The following CCNY variants were observed in gnomAD, a reference collection of about 807,000 sequenced individuals.
CCNY encodes cyclin Y, also known as cyclin-Y.
Under a neutral mutation model 42.8 loss-of-function variants are expected in CCNY, and 19 were observed. The ratio of observed to expected loss-of-function variants is 0.44; its 90% CI spans 0.31 to 0.65. The LOEUF (loss-of-function observed/expected upper bound fraction) is 0.65, where lower values mean the gene tolerates loss of function less well. Ranked by LOEUF, CCNY falls within the 30% of genes least tolerant of loss-of-function variation. The probability of loss-of-function intolerance (pLI) is 0.07; values close to 1 mark genes in which losing one functional copy is unlikely to be tolerated. For missense variants in CCNY, 370 were observed against 437.3 expected (o/e 0.85, Z 1.37); for synonymous variants, 165 against 162.7 (o/e 1.01, Z -0.11).
At chr10:35,563,767 G>C (rs1465029682) in intron 8 of CCNY, among the ~76,000 whole-genome samples, 6 of 151,960 alleles carry the variant, frequency 3.9e-5, no homozygotes, top group African/African-American at 1.4e-4. Context: ...AGTGCAGTGG[G>C]GCAATCTCGG....
chr10:35,487,397 C>T (rs1169879545), intron 2 of CCNY, among the ~76,000 whole-genome samples: 1 of 152,068 alleles, frequency 6.6e-6, no homozygotes, highest in Admixed American at 6.6e-5. Context: ...CTGCTTGGAC[C>T]ACAGACATGC....
rs1835579110 is a variant in CCNY at position 35,304,309 on chromosome 10, T to C, written c.-9+53683T>C. Among the ~76,000 whole-genome samples the C allele has an allele frequency of 3.9e-5, 2 of 51,640 alleles. 1 individual carries two copies. The highest frequency in any genetic ancestry group is 7.0e-5 in the Non-Finnish European group (2 of 28,670). 33.9% of individuals were successfully genotyped at this position (51,640 alleles called of 152,430 possible). On this transcript the variant is annotated intron_variant, in intron 3 of 11. Coordinates refer to the CCNY transcript ENST00000374706. Reference sequence around the variant, plus strand: ...TTCTCCTTTTATTTTTTTTTTTTTTTTATTTTTTATTTTTTTTTGAGACGG... The same window carrying C: ...TTCTCCTTTTATTTTTTTTTTTTTTCTATTTTTTATTTTTTTTTGAGACGG...
chr10:35,413,831 A>G (rs2135251683), intron 1 of CCNY, among the ~76,000 whole-genome samples: 1 of 152,214 alleles, frequency 6.6e-6, no homozygotes, highest in East Asian at 1.9e-4. Flanking sequence ...TGCGGTAGAG[A>G]TTTGGAGGCT....
intron 5 of CCNY, among the ~76,000 whole-genome samples, chr10:35,526,650 A>G (rs1840658424): frequency 6.6e-6 from 1 of 150,824 alleles, no homozygotes; most frequent in African/African-American, 2.4e-5. Context: ...CACAGCTATC[A>G]TTAATGCATC....
In CCNY at chr10:35,304,608, C is replaced by G. The variant is rs201142618; in HGVS notation, c.-9+53982C>G. ...TACAGGCGTGAGCCACCGCTCCCGG[C>G]CTTTTTTCTCCTTTTAATTAAAAGT... On this transcript the variant is annotated intron_variant, in intron 3 of 11. Coordinates refer to the CCNY transcript ENST00000374706. Among the ~76,000 whole-genome samples the G allele has an allele frequency of 2.1e-4, 14 of 65,512 alleles. 3 individuals carry two copies. The highest frequency in any genetic ancestry group is 6.1e-4 in the African/African-American group (7 of 11,420). 43.0% of individuals were successfully genotyped at this position (65,512 alleles called of 152,430 possible). A position where few individuals can be genotyped will look rare whatever the true frequency, so the allele number is the denominator to read the frequency against.
chr10:35,321,383 C>T (rs1320128062), intron 3 of CCNY, among the ~76,000 whole-genome samples: 5 of 151,814 alleles, frequency 3.3e-5, no homozygotes, highest in Non-Finnish European at 7.4e-5. Flanking sequence ...AACTGAAATC[C>T]CAGCAGGGGT....
chr10:35,280,333 G>A (rs1287985833), intron 3 of CCNY, among the ~76,000 whole-genome samples: 1 of 148,632 alleles, frequency 6.7e-6, no homozygotes, highest in Admixed American at 6.8e-5. Flanking sequence ...AGGAAAGAAA[G>A]AAAGGAAGAA....
chr10:35,252,520 C>A (rs926727066), intron 3 of CCNY, among the ~76,000 whole-genome samples: 14 of 142,442 alleles, frequency 9.8e-5, no homozygotes, highest in Admixed American at 2.2e-4. Context: ...GAGCTGAGAT[C>A]GCGCCACTGC....
chr10:35,296,350 C>T (rs979905090), intron 3 of CCNY, among the ~76,000 whole-genome samples: 16 of 152,152 alleles, frequency 1.1e-4, no homozygotes, highest in Admixed American at 3.9e-4. Flanking sequence ...GAGGCCGAGG[C>T]AGGTGGATCA....
intron 5 of CCNY, among the ~76,000 whole-genome samples, chr10:35,526,214 A>G (rs1214660271): frequency 6.6e-6 from 1 of 152,238 alleles, no homozygotes; most frequent in Admixed American, 6.5e-5. Context: ...GGTTGAAACC[A>G]GCAAAACAGA....
At chr10:35,522,939 C>G (rs917612433) in intron 4 of CCNY, among the ~76,000 whole-genome samples, 2 of 152,230 alleles carry the variant, frequency 1.3e-5, no homozygotes, top group Admixed American at 6.5e-5. Context: ...CAAAACCCCA[C>G]TACTGCCTTG....
At chr10:35,456,400 T>G (rs1839036029) in intron 1 of CCNY, among the ~76,000 whole-genome samples, 1 of 152,242 alleles carries the variant, frequency 6.6e-6, no homozygotes. Context: ...AATGGATTGT[T>G]TAAACATTTT....
intron 1 of CCNY, among the ~76,000 whole-genome samples, chr10:35,419,727 CAT>C (rs1289923875): frequency 2.0e-5 from 3 of 152,064 alleles, no homozygotes; most frequent in Non-Finnish European, 2.9e-5. Flanking sequence ...TGCTTTATCT[CAT>C]GTCTCTCTTT....
chr10:35,348,079 T>G (rs1230603695), intron 1 of CCNY, among the ~76,000 whole-genome samples: 2 of 152,228 alleles, frequency 1.3e-5, no homozygotes, highest in African/African-American at 4.8e-5. Context: ...TCCCTCAAGC[T>G]GTGAACCGTT....
intron 3 of CCNY, among the ~76,000 whole-genome samples, chr10:35,265,469 T>C (rs1389122479): frequency 6.6e-6 from 1 of 152,260 alleles, no homozygotes; most frequent in Non-Finnish European, 1.5e-5. Context: ...TCCACTGTCA[T>C]TTATTAAACT....
intron 3 of CCNY, among the ~76,000 whole-genome samples, chr10:35,278,807 C>T (rs896830121): frequency 6.6e-6 from 1 of 152,174 alleles, no homozygotes; most frequent in Non-Finnish European, 1.5e-5. Context: ...GTGAACCTTC[C>T]CTGCCAGGAG....
At chr10:35,280,664 A>G (rs1046943011) in intron 3 of CCNY, among the ~76,000 whole-genome samples, 3 of 152,254 alleles carry the variant, frequency 2.0e-5, no homozygotes, top group African/African-American at 4.8e-5. Flanking sequence ...AAAAGTAAAC[A>G]TAGAAATAAT....
At chr10:35,314,185 A>G (rs1042637368) in intron 3 of CCNY, among the ~76,000 whole-genome samples, 2 of 152,142 alleles carry the variant, frequency 1.3e-5, no homozygotes, top group African/African-American at 4.8e-5. Context: ...GATCACACTC[A>G]TATTAGTCTG....
chr10:35,344,559 G>A (rs1836257310), intron 1 of CCNY, among the ~76,000 whole-genome samples: 1 of 152,028 alleles, frequency 6.6e-6, no homozygotes, highest in Non-Finnish European at 1.5e-5. Flanking sequence ...TTTTCAGTTG[G>A]TATACTTTAT....
Sources: allele counts gnomAD v4.1 joint callset (sites outside exome capture counted in the v4.1 genomes callset), GRCh38; gene constraint gnomAD v4.1.1; transcripts MANE v1.5; gene names NCBI Gene and HGNC (gene_info 2026-07-23, HGNC 2026-07-21).